LAMC1: variants seen among roughly 807,000 people sequenced by gnomAD.
LAMC1 encodes laminin subunit gamma 1.
In LAMC1, 38 loss-of-function variants were observed where a neutral mutation model predicts 173.6. That is an observed-to-expected ratio of 0.22 (90% CI 0.17 to 0.29). The LOEUF (loss-of-function observed/expected upper bound fraction) is 0.29, where lower values mean the gene tolerates loss of function less well. Ranked by LOEUF, LAMC1 falls within the 10% of genes least tolerant of loss-of-function variation. The pLI is 1.00. For synonymous variants in LAMC1, 746 were observed against 749.1 expected (o/e 1.00, Z 0.07); for missense variants, 1,824 against 2,051.8 (o/e 0.89, Z 2.14).
At chr1:183,127,199 A>C in intron 16 of LAMC1, 27 bp from the exon 17 acceptor site, 1 of 1,602,338 alleles carries the variant, frequency 6.2e-7, no homozygotes, top group South Asian at 1.1e-5. Context: ...TTTGCTAATT[A>C]TGTATTATTT....
rs1202047513 is a variant in LAMC1, at chr1:183,117,328, G to A, written c.1573G>A (p.Gly525Arg). The A allele has an allele frequency of 6.2e-7, 1 of 1,604,888 alleles. No individual in the cohort carries two copies. Among genetic ancestry groups the A allele is most frequent in the Admixed American group, 1.7e-5 (1 of 59,858 alleles). Residue 525 changes from glycine to arginine, a missense_variant, in exon 9 of 28, where the codon GGG becomes AGG. By Grantham distance (125) the Gly-to-Arg change is moderately radical (BLOSUM62 -2). Coordinates refer to ENST00000258341, the MANE Select transcript of LAMC1 (RefSeq NM_002293.4). ...ISSTFQIDEDGWRAEQRDGSE... is the reference protein window; with the variant it reads ...ISSTFQIDEDRWRAEQRDGSE... ...TCCTTCTCTACCTGCAGATGAGGATGGGTGGCGTGCGGAACAGAGAGATGG... is the reference window on the plus strand; with the variant it reads ...TCCTTCTCTACCTGCAGATGAGGATAGGTGGCGTGCGGAACAGAGAGATGG...
At chr1:183,128,493 A>T (rs996270523) in intron 17 of LAMC1, 101 bp from the exon 18 acceptor site, 5 of 818,160 alleles carry the variant, frequency 6.1e-6, no homozygotes, top group Non-Finnish European at 9.1e-6. Context: ...AAAGAACTAC[A>T]TATTCATGGA....
rs199543862 is a variant in LAMC1, at chr1:183,051,666, T to A, written c.418+27532T>A. On this transcript the variant is annotated intron_variant, in intron 1 of 27. Coordinates refer to ENST00000258341, the MANE Select transcript of LAMC1 (RefSeq NM_002293.4). ...GCTCTTCCCAAGGGGAATCAGCCTT[T>A]TTTCCTTCCTGGAATGGTTGCTTAG... Among the ~76,000 whole-genome samples, 5 of 152,314 alleles carry A rather than the reference T, an allele frequency of 3.3e-5. No homozygotes were observed. The East Asian group carries it at 9.6e-4, about 29-fold the overall frequency.
At chr1:183,027,499 C>G (rs1653720923) in intron 1 of LAMC1, among the ~76,000 whole-genome samples, 1 of 152,244 alleles carries the variant, frequency 6.6e-6, no homozygotes, top group South Asian at 2.1e-4. Flanking sequence ...TGGATGGAAA[C>G]TTGGCAGACA....
intron 1 of LAMC1, among the ~76,000 whole-genome samples, chr1:183,093,758 A>G (rs1241046152): frequency 6.6e-6 from 1 of 152,114 alleles, no homozygotes; most frequent in Non-Finnish European, 1.5e-5. Flanking sequence ...CCATCCCCCC[A>G]TGGCTGCTTC....
At chr1:183,060,515 G>A (rs1654717601) in intron 1 of LAMC1, among the ~76,000 whole-genome samples, 1 of 151,972 alleles carries the variant, frequency 6.6e-6, no homozygotes, top group African/African-American at 2.4e-5. Flanking sequence ...CTCTCCTCAT[G>A]TCTTACTTTC....
At position 183,103,530 on chromosome 1, in the gene LAMC1, T is replaced by C; in HGVS notation, c.621T>C (p.Asp207=). The change falls in exon 2 of 28, where the codon GAT becomes GAC. Residue 207 remains aspartate, a synonymous_variant. Coordinates refer to ENST00000258341, the MANE Select transcript of LAMC1 (RefSeq NM_002293.4). Reference sequence around the variant, plus strand: ...ACGAGCAGCAGGCCTTGTGTACTGATGAATTCAGTGACATTTCTCCCCTCA... The same window carrying C: ...ACGAGCAGCAGGCCTTGTGTACTGACGAATTCAGTGACATTTCTCCCCTCA... ...GGDEQQALCT[D]EFSDISPLTG... 2 of 1,613,940 alleles carry C rather than the reference T, an allele frequency of 1.2e-6. No individual in the cohort carries two copies. Among genetic ancestry groups the C allele is most frequent in the Non-Finnish European group, 1.7e-6 (2 of 1,179,876 alleles).
intron 22 of LAMC1, 120 bp from the exon 23 acceptor site, chr1:183,134,540 A>G (rs1656884604): frequency 1.4e-6 from 1 of 717,122 alleles, no homozygotes; most frequent in Non-Finnish European, 2.2e-6. Flanking sequence ...TAAAATCTTG[A>G]TCTGTGCAGT....
At chr1:183,083,783 C>T (rs972782042) in intron 1 of LAMC1, among the ~76,000 whole-genome samples, 2 of 151,988 alleles carry the variant, frequency 1.3e-5, no homozygotes, top group Admixed American at 1.3e-4. Context: ...AATTTTATTC[C>T]AGTTTTTTTA....
chr1:183,121,761 C>T lies in LAMC1; in HGVS notation c.2029C>T (p.Arg677Cys), dbSNP rs151025622. ...YLDDVTLASA[R>C]PGPGVPATWV... ...GGATGATGTCACCCTGGCAAGTGCT[C>T]GTCCTGGGCCTGGAGTCCCTGCAAC... is the stretch of plus-strand genomic sequence containing the variant. The change falls in exon 12 of 28, where the codon CGT becomes TGT. Residue 677 changes from arginine to cysteine, a missense_variant. By Grantham distance (180) the Arg-to-Cys change is radical. Transcript: ENST00000258341. 3.4e-5 allele frequency: 55 copies of T among 1,614,122 alleles called. No individual in the cohort carries two copies. The highest frequency in any genetic ancestry group is 8.3e-5 in the Admixed American group (5 of 60,028).
chr1:183,077,532 G>C (rs1655146257), intron 1 of LAMC1, among the ~76,000 whole-genome samples: 1 of 151,920 alleles, frequency 6.6e-6, no homozygotes, highest in African/African-American at 2.4e-5. Flanking sequence ...CACCCTATTT[G>C]TAATCTTTTG....
intron 2 of LAMC1, among the ~76,000 whole-genome samples, chr1:183,106,462 A>G (rs538129099): frequency 2.6e-5 from 4 of 152,256 alleles, no homozygotes; most frequent in Admixed American, 2.0e-4. Context: ...TGAGCTCTCC[A>G]TGTTGTTCTA....
At position 183,130,473 on chromosome 1, in the gene LAMC1, A is replaced by G. The variant is rs1656752617; in HGVS notation, c.3410A>G (p.His1137Arg). The change falls in exon 19 of 28, where the codon CAT becomes CGT. Residue 1137 changes from histidine to arginine, a missense_variant. By Grantham distance (29) the His-to-Arg change is conservative (BLOSUM62 0). Transcript: ENST00000258341. The part of the protein sequence containing the change: ...TGNLAEQARA[H>R]VENTERLIEI... ...AACTTGGCTGAACAAGCGCGTGCCCATGTAGAGAACACAGAGCGGTTGATT... is the reference window on the plus strand; with the variant it reads ...AACTTGGCTGAACAAGCGCGTGCCCGTGTAGAGAACACAGAGCGGTTGATT... The G allele has an allele frequency of 1.7e-5, 28 of 1,614,116 alleles. No individual in the cohort carries two copies. Among genetic ancestry groups the G allele is most frequent in the Non-Finnish European group, 2.3e-5 (27 of 1,180,044 alleles).
In LAMC1 at chr1:183,108,524, A is replaced by T. The variant is rs550939286; in HGVS notation, c.854+118A>T. On this transcript the variant is annotated intron_variant, in intron 3 of 27. Transcript: ENST00000258341. Reference sequence around the variant, plus strand: ...GTTAGATGTTTTCTTTACCAAGAATAGGAGCGGCAGTCCTTCCTGTGTGAT... The same window carrying T: ...GTTAGATGTTTTCTTTACCAAGAATTGGAGCGGCAGTCCTTCCTGTGTGAT... 2.1e-4 allele frequency: 172 copies of T among 829,072 alleles called. No homozygotes were observed. In the South Asian group the frequency reaches 2.8e-3, roughly 13 times the overall value. The allele number at this position is 829,072 out of a possible 1,614,324, so 51.4% of individuals were successfully genotyped here.
chr1:183,036,262 C>A (rs1653978722), intron 1 of LAMC1, among the ~76,000 whole-genome samples: 3 of 151,928 alleles, frequency 2.0e-5, no homozygotes, highest in Non-Finnish European at 4.4e-5. Context: ...CTGTGCCCAG[C>A]TGATTTTTGG....
intron 15 of LAMC1, 102 bp downstream of exon 15, chr1:183,125,652 G>A: frequency 1.1e-6 from 1 of 890,826 alleles, no homozygotes; most frequent in Non-Finnish European, 1.7e-6. Context: ...AGAAATTACT[G>A]GAGCGCCTAA....
At chr1:183,051,627 G>A (rs4422969) in intron 1 of LAMC1, among the ~76,000 whole-genome samples, 76,334 of 152,090 alleles carry the variant, frequency 0.5, 19,799 homozygotes, top group South Asian at 0.64. Context: ...TTATTGAGTT[G>A]GAGTGCCTAT....
At chr1:183,036,887 T>G (rs1243568592) in intron 1 of LAMC1, among the ~76,000 whole-genome samples, 1 of 152,232 alleles carries the variant, frequency 6.6e-6, no homozygotes, top group Non-Finnish European at 1.5e-5. Flanking sequence ...GCAATTCTTC[T>G]GTCTCAGCCT....
intron 1 of LAMC1, among the ~76,000 whole-genome samples, chr1:183,050,540 C>T (rs1186318980): frequency 6.8e-6 from 1 of 146,266 alleles, no homozygotes; most frequent in Non-Finnish European, 1.5e-5. Context: ...CCTCGGCCTC[C>T]CAAAGTGCTG....
Sources: gnomAD v4.1 joint callset for allele counts (sites outside exome capture counted in the v4.1 genomes callset) on GRCh38, gnomAD v4.1.1 for gene constraint, MANE v1.5 for transcripts, NCBI Gene and HGNC (gene_info 2026-07-23, HGNC 2026-07-21) for gene names.